Variants in AFAP1 observed in about 807,000 individuals in gnomAD.
AFAP1 encodes actin filament associated protein 1.
A neutral mutation model predicts 93.9 loss-of-function variants in AFAP1; 75 were observed. The ratio of observed to expected loss-of-function variants is 0.80; its 90% CI spans 0.66 to 0.97. The LOEUF is 0.97. Among genes scored for constraint, AFAP1 ranks in the 50% least tolerant of loss-of-function variants. The pLI, the probability that AFAP1 is intolerant of heterozygous loss-of-function variation, is 0.00. For missense variants in AFAP1, 1,201 were observed against 1,050.8 expected (o/e 1.14, Z -1.98); for synonymous variants, 517 against 430.7 (o/e 1.20, Z -2.48).
intron 1 of AFAP1, among the ~76,000 whole-genome samples, chr4:7,897,102 C>T (rs1329306182): frequency 6.6e-6 from 1 of 152,128 alleles, no homozygotes; most frequent in Non-Finnish European, 1.5e-5. Context: ...TGTTTATCTT[C>T]AGTTTGGCCC....
At chr4:7,782,794 G>C (rs763511250) in intron 12 of AFAP1, among the ~76,000 whole-genome samples, 2 of 152,186 alleles carry the variant, frequency 1.3e-5, no homozygotes, top group Non-Finnish European at 2.9e-5. Flanking sequence ...TTCTGCAGTA[G>C]GAGTGTCTGT....
intron 17 of AFAP1, among the ~76,000 whole-genome samples, chr4:7,765,686 G>A (rs140407833): frequency 1.4e-3 from 209 of 152,368 alleles, no homozygotes; most frequent in African/African-American, 4.9e-3. Context: ...ACACCATGCA[G>A]GACAGAGGCC....
intron 6 of AFAP1, among the ~76,000 whole-genome samples, chr4:7,825,873 G>C (rs1298096747): frequency 6.6e-6 from 1 of 151,286 alleles, no homozygotes; most frequent in East Asian, 1.9e-4. Context: ...CAGGCACAGG[G>C]CATTTTTACT....
chr4:7,836,700 T>C (rs1385546492), intron 6 of AFAP1, among the ~76,000 whole-genome samples: 1 of 152,170 alleles, frequency 6.6e-6, no homozygotes, highest in Non-Finnish European at 1.5e-5. Context: ...CGGCCCACCT[T>C]GGCTCCCAAA....
At chr4:7,905,647 A>T (rs1354671358) in intron 1 of AFAP1, among the ~76,000 whole-genome samples, 1 of 152,080 alleles carries the variant, frequency 6.6e-6, no homozygotes, top group African/African-American at 2.4e-5. Flanking sequence ...CCTTTCTCTC[A>T]TTTAGGCCAT....
intron 12 of AFAP1, 99 bp from the exon 13 acceptor site, chr4:7,781,726 T>C (rs537527823): frequency 1.4e-6 from 2 of 1,457,680 alleles, no homozygotes; most frequent in Non-Finnish European, 1.8e-6. Context: ...GCATTTAGCA[T>C]ACATTGGCAC....
At chr4:7,856,631 G>A (rs536898427) in intron 3 of AFAP1, among the ~76,000 whole-genome samples, 66 of 152,246 alleles carry the variant, frequency 4.3e-4, no homozygotes, top group Middle Eastern at 3.4e-3. Flanking sequence ...GGCTCACTCC[G>A]CGCCTCGGGA....
rs1577156904 is a variant in AFAP1, at chr4:7,759,476, C to T, written c.*4289G>A. On this transcript the variant is annotated 3_prime_UTR_variant, in exon 18 of 18. Transcript: ENST00000420658. ...CTGCTTTTTCTGCAGTGCTGTGCCA[C>T]GTATTTACGGCAGGAACGTTTTGGT... 6.6e-6 allele frequency: 1 copy of T among 152,632 alleles called. No homozygotes were observed. The highest frequency in any genetic ancestry group is 2.4e-5 in the African/African-American group (1 of 41,442). The allele number at this position is 152,632 out of a possible 1,614,324, so 9.5% of individuals were successfully genotyped here.
In AFAP1 at chr4:7,939,270, AG is replaced by A; in HGVS notation, c.-3+385del. The stretch of plus-strand genomic sequence containing the variant: ...GGACGAAGCAGTCTCGCTACGGGGG[AG>A]GGCGGCGGAGCCTCCCACTCTTGGT... On this transcript the variant is annotated intron_variant, in intron 1 of 17. Coordinates refer to ENST00000420658, the MANE Select transcript of AFAP1 (RefSeq NM_001134647.2). This position sits in a 1 kb window ranked among gnomAD's most constrained non-coding sequence, Gnocchi z 5.6. 1 of 308,958 alleles carries A rather than the reference AG, an allele frequency of 3.2e-6. No homozygotes were observed. The highest frequency in any genetic ancestry group is 6.5e-6 in the Non-Finnish European group (1 of 153,114). The allele number at this position is 308,958 out of a possible 1,614,324, so 19.1% of individuals were successfully genotyped here.
At chr4:7,857,879 C>T (rs28584083) in intron 3 of AFAP1, among the ~76,000 whole-genome samples, 56,982 of 151,916 alleles carry the variant, frequency 0.38, 11,682 homozygotes, top group East Asian at 0.64. Flanking sequence ...GGGTTCTGAG[C>T]AGACACTTTC....
At chr4:7,831,205 T>C (rs899379234) in intron 6 of AFAP1, among the ~76,000 whole-genome samples, 1 of 152,144 alleles carries the variant, frequency 6.6e-6, no homozygotes, top group Non-Finnish European at 1.5e-5. Flanking sequence ...ATTCTGTAAC[T>C]GCTTGAAACT....
At position 7,891,771 on chromosome 4, in the gene AFAP1, G is replaced by A. The variant is rs372710781; in HGVS notation, c.-2-19691C>T. 2.5e-3 allele frequency among the ~76,000 whole-genome samples: 347 copies of A among 138,968 alleles called. 3 individuals carry two copies. The highest frequency in any genetic ancestry group is 8.7e-3 in the African/African-American group (327 of 37,710). The allele number at this position is 138,968 out of a possible 152,430, so 91.2% of individuals were successfully genotyped here. ...AAAAAAAAAAAAAAAAAAAAAGGCC[G>A]GGCGTGGTGGCTTACACCTATAATC... On this transcript the variant is annotated intron_variant, in intron 1 of 17. Transcript: ENST00000420658.
chr4:7,775,983 C>A (rs1336882220), intron 14 of AFAP1: 1 of 152,190 alleles, frequency 6.6e-6, no homozygotes, highest in African/African-American at 2.4e-5. Context: ...CATGCTCTCT[C>A]CTATTATGTT....
Position 7,778,831 on chromosome 4 carries a change from T to G in AFAP1, c.1828A>C (p.Lys610Gln). Residue 610 changes from lysine to glutamine, a missense_variant, in exon 14 of 18, where the codon AAA becomes CAA. Lys to Gln is a moderately conservative substitution (Grantham distance 53, BLOSUM62 1). Transcript: ENST00000420658. ...PPVASNGVTGKGKTLSSQPKK... is the reference protein window; with the variant it reads ...PPVASNGVTGQGKTLSSQPKK... ...GGCTGACTGCTCAGAGTCTTCCCTT[T>G]TCCTGTGACCCCATTAGACGCCACG... 10 of 1,614,224 alleles carry G rather than the reference T, an allele frequency of 6.2e-6. No homozygotes were observed. The highest frequency in any genetic ancestry group is 8.5e-6 in the Non-Finnish European group (10 of 1,180,036).
chr4:7,822,312 G>T (rs1560180533), intron 6 of AFAP1, among the ~76,000 whole-genome samples: 2 of 152,074 alleles, frequency 1.3e-5, no homozygotes, highest in Admixed American at 1.3e-4. Context: ...ACCTCAGGGG[G>T]TCATTGTGAA....
chr4:7,771,541 G>C (rs1577181573), intron 16 of AFAP1, among the ~76,000 whole-genome samples: 1 of 152,196 alleles, frequency 6.6e-6, no homozygotes, highest in African/African-American at 2.4e-5. Flanking sequence ...TGTATGTTTG[G>C]GAAGATGTGA....
chr4:7,939,607 G>C lies in AFAP1; in HGVS notation c.-3+49C>G, dbSNP rs972551055. 7.3e-6 allele frequency: 3 copies of C among 408,670 alleles called. No homozygotes were observed. The highest frequency in any genetic ancestry group is 4.4e-5 in the African/African-American group (2 of 45,454). The allele number at this position is 408,670 out of a possible 1,614,324, so 25.3% of individuals were successfully genotyped here. ...GCTCGGAGCTTCCACGCCCGGGGCA[G>C]AGACCCCCGCCGGGTCCGGAGACCC... On this transcript the variant is annotated intron_variant, in intron 1 of 17. Coordinates refer to ENST00000420658, the MANE Select transcript of AFAP1 (RefSeq NM_001134647.2). The surrounding 1 kb of genome is among the most constrained non-coding windows in gnomAD (Gnocchi z 5.6).
intron 1 of AFAP1, among the ~76,000 whole-genome samples, chr4:7,908,690 T>C (rs144539934): frequency 8.8e-4 from 134 of 152,324 alleles, no homozygotes; most frequent in African/African-American, 3.0e-3. Flanking sequence ...AGAGAAATTC[T>C]AGTATAAAGA....
chr4:7,831,667 G>A (rs1220358340), intron 6 of AFAP1, among the ~76,000 whole-genome samples: 6 of 152,202 alleles, frequency 3.9e-5, no homozygotes, highest in African/African-American at 1.4e-4. Context: ...CTGCTCTTCA[G>A]TGTGCAGGAA....
Sources: gnomAD v4.1 joint callset for allele counts (sites outside exome capture counted in the v4.1 genomes callset) on GRCh38, gnomAD v4.1.1 for gene constraint, Gnocchi (gnomAD v3.1) non-coding constraint, MANE v1.5 for transcripts, NCBI Gene and HGNC (gene_info 2026-07-23, HGNC 2026-07-21) for gene names.